Variants in PLCE1 observed in about 807,000 individuals in gnomAD.
PLCE1 encodes the protein phospholipase C epsilon 1, also known as 1-phosphatidylinositol 4,5-bisphosphate phosphodiesterase epsilon-1.
In PLCE1, 119 loss-of-function variants were observed where a neutral mutation model predicts 242.8. That is an observed-to-expected ratio of 0.49 (90% CI 0.42 to 0.57). The LOEUF is 0.57. PLCE1 is among the 20% of genes least tolerant of loss of function. The pLI is 0.00. For missense variants in PLCE1, 2,441 were observed against 2,788.8 expected (o/e 0.88, Z 2.81); for synonymous variants, 945 against 1,017.4 (o/e 0.93, Z 1.35).
At chr10:94,272,818 G>A (rs2051796332) in intron 18 of PLCE1, among the ~76,000 whole-genome samples, 1 of 152,102 alleles carries the variant, frequency 6.6e-6, no homozygotes, top group African/African-American at 2.4e-5. Context: ...GAGGGGCACT[G>A]ACAAAATGTC....
At chr10:94,109,916 TG>T (rs1393688078) in intron 2 of PLCE1, among the ~76,000 whole-genome samples, 1 of 151,810 alleles carries the variant, frequency 6.6e-6, no homozygotes, top group African/African-American at 2.4e-5. Flanking sequence ...GTTGCAGATT[TG>T]TTGTATGTTT....
chr10:94,270,327 T>C (rs2051680884), intron 17 of PLCE1, among the ~76,000 whole-genome samples, 159 bp from the exon 18 acceptor site: 1 of 152,238 alleles, frequency 6.6e-6, no homozygotes, highest in Non-Finnish European at 1.5e-5. Flanking sequence ...TTCTACAAAA[T>C]GGCCTTATCC....
chr10:93,998,450 G>T (rs2060871021), intron 1 of PLCE1, among the ~76,000 whole-genome samples: 1 of 152,088 alleles, frequency 6.6e-6, no homozygotes, highest in Non-Finnish European at 1.5e-5. Flanking sequence ...CATGGCTTAA[G>T]GTATAGAGCC....
At chr10:94,200,842 A>C (rs2136761237) in intron 4 of PLCE1, among the ~76,000 whole-genome samples, 1 of 152,278 alleles carries the variant, frequency 6.6e-6, no homozygotes, top group African/African-American at 2.4e-5. Context: ...CTCCCACAAA[A>C]CCTTAAACCA....
chr10:94,157,349 GC>G (rs1564740479), intron 3 of PLCE1, among the ~76,000 whole-genome samples: 1 of 152,136 alleles, frequency 6.6e-6, no homozygotes, highest in Admixed American at 6.5e-5. Context: ...AACATTACAT[GC>G]TTTTTCTTGT....
intron 7 of PLCE1, among the ~76,000 whole-genome samples, chr10:94,241,733 G>A (rs1195203877): frequency 6.6e-6 from 1 of 150,620 alleles, no homozygotes; most frequent in African/African-American, 2.4e-5. Context: ...GTTGCAGTGA[G>A]CTGAGATTGT....
At chr10:94,098,585 C>G (rs185106793) in intron 2 of PLCE1, among the ~76,000 whole-genome samples, 10 of 152,156 alleles carry the variant, frequency 6.6e-5, no homozygotes, top group Non-Finnish European at 1.5e-4. Flanking sequence ...GTTTTTGGAA[C>G]AGGAATCAGA....
At chr10:94,312,834 T>C (rs942502084) in intron 27 of PLCE1, among the ~76,000 whole-genome samples, 3 of 152,228 alleles carry the variant, frequency 2.0e-5, no homozygotes, top group Non-Finnish European at 4.4e-5. Flanking sequence ...CTAACAGATA[T>C]ATGTTTGCAT....
At chr10:94,144,390 T>C (rs1000722650) in intron 3 of PLCE1, among the ~76,000 whole-genome samples, 6 of 152,174 alleles carry the variant, frequency 3.9e-5, no homozygotes, top group Admixed American at 2.6e-4. Flanking sequence ...ACTACAGAAT[T>C]GATCATTTTC....
chr10:94,261,416 G>A (rs1453278063), intron 13 of PLCE1, among the ~76,000 whole-genome samples: 1 of 152,118 alleles, frequency 6.6e-6, no homozygotes, highest in Non-Finnish European at 1.5e-5. Flanking sequence ...AGTATATCTT[G>A]GTTGCTTCCA....
intron 1 of PLCE1, among the ~76,000 whole-genome samples, chr10:94,016,596 G>T (rs1405299991): frequency 6.6e-6 from 1 of 152,094 alleles, no homozygotes; most frequent in Non-Finnish European, 1.5e-5. Context: ...TGCTTAACCT[G>T]TGTTTTGTCT....
chr10:94,270,531 C>T lies in PLCE1; in HGVS notation c.4435C>T (p.Leu1479=), dbSNP rs958946520. ...IDRSAFINSD[L]PIIISIENHC... ...TCGCAGTGCCTTCATCAACTCTGAC[C>T]TGCCAATCATCATATCGATTGAGAA... Residue 1479 remains leucine (L), a synonymous_variant, in exon 18 of 33, where the codon CTG becomes TTG. Coordinates refer to ENST00000371380, the MANE Select transcript of PLCE1 (RefSeq NM_016341.4). The T allele has an allele frequency of 5.0e-6, 8 of 1,614,006 alleles. No homozygotes were observed. The Middle Eastern group carries it at 5.0e-4, about 100-fold the overall frequency.
chr10:94,129,558 A>G (rs1397172957), intron 2 of PLCE1, among the ~76,000 whole-genome samples: 1 of 152,176 alleles, frequency 6.6e-6, no homozygotes, highest in Non-Finnish European at 1.5e-5. Flanking sequence ...TGAATGAGTC[A>G]CTGGGAGTCT....
intron 3 of PLCE1, among the ~76,000 whole-genome samples, chr10:94,165,746 T>G (rs1015729697): frequency 6.6e-6 from 1 of 152,084 alleles, no homozygotes; most frequent in African/African-American, 2.4e-5. Flanking sequence ...CTTGCTCTGT[T>G]GCCCAGGTTG....
chr10:94,196,536 A>G (rs1189795224), intron 4 of PLCE1, among the ~76,000 whole-genome samples: 1 of 152,204 alleles, frequency 6.6e-6, no homozygotes, highest in African/African-American at 2.4e-5. Context: ...CTATAATTCC[A>G]GCACTTTGGG....
At chr10:94,281,834 G>T (rs2052238528) in intron 20 of PLCE1, among the ~76,000 whole-genome samples, 1 of 151,928 alleles carries the variant, frequency 6.6e-6, no homozygotes, top group Non-Finnish European at 1.5e-5. Context: ...GTTGAAGCTT[G>T]TCCAGTTAAG....
chr10:94,197,208 C>T lies in PLCE1; in HGVS notation c.1809+25712C>T, dbSNP rs191000394. On this transcript the variant is annotated intron_variant, in intron 4 of 32. Coordinates refer to ENST00000371380, the MANE Select transcript of PLCE1 (RefSeq NM_016341.4). The stretch of plus-strand genomic sequence containing the variant: ...TGGCTGAATAATATTTCATTATGTG[C>T]GTATACCACATATTGTTTATTGGTA... Among the ~76,000 whole-genome samples the T allele has an allele frequency of 2.2e-3, 332 of 152,170 alleles. 3 individuals carry two copies. Among genetic ancestry groups the T allele is most frequent in the African/African-American group, 7.6e-3 (317 of 41,514 alleles).
intron 30 of PLCE1, among the ~76,000 whole-genome samples, chr10:94,323,904 C>A (rs1200985717): frequency 6.6e-6 from 1 of 152,204 alleles, no homozygotes; most frequent in Non-Finnish European, 1.5e-5. Flanking sequence ...TTCTAAAATT[C>A]TTTCAACATC....
intron 31 of PLCE1, 149 bp downstream of exon 31, chr10:94,324,716 T>A: frequency 1.0e-6 from 1 of 982,820 alleles, no homozygotes; most frequent in Non-Finnish European, 1.6e-6. Context: ...TTGTTTTCAC[T>A]GTGTGAAAAA....
Sources: allele counts gnomAD v4.1 joint callset (sites outside exome capture counted in the v4.1 genomes callset), GRCh38; gene constraint gnomAD v4.1.1; transcripts MANE v1.5; gene names NCBI Gene and HGNC (gene_info 2026-07-23, HGNC 2026-07-21).